BCKDHB: variants seen among roughly 807,000 people sequenced by gnomAD.
BCKDHB encodes the protein branched chain keto acid dehydrogenase E1 subunit beta, also known as 2-oxoisovalerate dehydrogenase subunit beta, mitochondrial.
A neutral mutation model predicts 48.5 loss-of-function variants in BCKDHB; 41 were observed. That is an observed-to-expected ratio of 0.85 (90% CI 0.66 to 1.10). BCKDHB has a LOEUF of 1.10. BCKDHB is among the 50% of genes least tolerant of loss of function. BCKDHB has a pLI of 0.00. For synonymous variants in BCKDHB, 201 were observed against 174.8 expected (o/e 1.15, Z -1.18); for missense variants, 496 against 494.2 (o/e 1.00, Z -0.03).
chr6:80,197,772 G>A (rs981580966), intron 6 of BCKDHB, among the ~76,000 whole-genome samples: 3 of 152,198 alleles, frequency 2.0e-5, no homozygotes. Context: ...AAGAGCCTGT[G>A]TGCTATCTTT....
rs1271176329 is a variant in BCKDHB, at chr6:80,189,393, G to C, written c.743-11541G>C. On this transcript the variant is annotated intron_variant, in intron 6 of 9. Transcript: ENST00000320393. ...GTGATAAGAGTGTTTTCACTTTTCT[G>C]TTTTTTACTTATAAAGTATTAAGGG... Among the ~76,000 whole-genome samples, 3 of 152,002 alleles carry C rather than the reference G, an allele frequency of 2.0e-5. No homozygotes were observed. The East Asian group carries it at 5.8e-4, about 29-fold the overall frequency.
chr6:80,463,686 G>A, the BCKDHB span, among the ~76,000 whole-genome samples: 1 of 151,972 alleles, frequency 6.6e-6, no homozygotes, highest in Admixed American at 6.6e-5. Context: ...AAGTGGTTTG[G>A]CTATGTTCAA....
intron 1 of BCKDHB, among the ~76,000 whole-genome samples, chr6:80,121,898 AGTG>A: frequency 6.6e-6 from 1 of 152,222 alleles, no homozygotes; most frequent in Non-Finnish European, 1.5e-5. Context: ...GTTGAATAGG[AGTG>A]GTGAGAGAGG....
In BCKDHB at chr6:80,203,031, T is replaced by C. The variant is rs566755421; in HGVS notation, c.841-71T>C. Reference sequence around the variant, plus strand: ...TTAAATACTGTCTCTAATAGTGACATCAGCATTCAACTAGTTTTTGAGGCT... The same window carrying C: ...TTAAATACTGTCTCTAATAGTGACACCAGCATTCAACTAGTTTTTGAGGCT... On this transcript the variant is annotated intron_variant, in intron 7 of 9. Coordinates refer to ENST00000320393, the MANE Select transcript of BCKDHB (RefSeq NM_183050.4). 170 of 978,390 alleles carry C rather than the reference T, an allele frequency of 1.7e-4. No individual in the cohort carries two copies. The African/African-American group carries it at 2.4e-3, about 14-fold the overall frequency. 60.6% of individuals were successfully genotyped at this position (978,390 alleles called of 1,614,324 possible).
At chr6:80,236,813 A>G in intron 8 of BCKDHB, among the ~76,000 whole-genome samples, 1 of 152,344 alleles carries the variant, frequency 6.6e-6, no homozygotes, top group East Asian at 1.9e-4. Context: ...AAGAGACTTT[A>G]TCTTATATTT....
chr6:80,404,490 A>G, the BCKDHB span, among the ~76,000 whole-genome samples: 1 of 150,750 alleles, frequency 6.6e-6, no homozygotes, highest in Non-Finnish European at 1.5e-5. Flanking sequence ...GAATTTGTCT[A>G]TTTTGCTCAC....
chr6:80,269,675 G>A (rs1777654844), intron 8 of BCKDHB, among the ~76,000 whole-genome samples: 1 of 151,992 alleles, frequency 6.6e-6, no homozygotes, highest in East Asian at 1.9e-4. Flanking sequence ...ATCCTGAAAA[G>A]TTGTTTAAAC....
the BCKDHB span, chr6:80,440,979 A>G: frequency 1.3e-5 from 2 of 152,218 alleles, no homozygotes; most frequent in South Asian, 2.1e-4. Flanking sequence ...GTGAAAGCCA[A>G]CTCATTAACC....
intron 9 of BCKDHB, among the ~76,000 whole-genome samples, chr6:80,323,840 T>C (rs1005826461): frequency 6.6e-6 from 1 of 152,206 alleles, no homozygotes; most frequent in Non-Finnish European, 1.5e-5. Flanking sequence ...TGGCGCCATC[T>C]TGGCTCACTG....
At chr6:80,115,532 A>G (rs1027134899) in intron 1 of BCKDHB, among the ~76,000 whole-genome samples, 1 of 152,168 alleles carries the variant, frequency 6.6e-6, no homozygotes, top group Non-Finnish European at 1.5e-5. Context: ...CTGTTATTTC[A>G]TGATGTGAAT....
the BCKDHB span, among the ~76,000 whole-genome samples, chr6:80,372,635 T>G: frequency 6.6e-6 from 1 of 152,132 alleles, no homozygotes; most frequent in Non-Finnish European, 1.5e-5. Context: ...CTATGCCGAT[T>G]TTGCTGAGGG....
At chr6:80,299,236 C>T (rs1767424522) in intron 9 of BCKDHB, among the ~76,000 whole-genome samples, 1 of 152,076 alleles carries the variant, frequency 6.6e-6, no homozygotes, top group Admixed American at 6.5e-5. Context: ...TAACCCAATC[C>T]CATTCTTTAC....
chr6:80,169,019 C>G lies in BCKDHB; in HGVS notation c.622C>G (p.Pro208Ala), dbSNP rs776096172. 6.2e-7 allele frequency: 1 copy of G among 1,613,966 alleles called. No individual in the cohort carries two copies. The highest frequency in any genetic ancestry group is 8.5e-7 in the Non-Finnish European group (1 of 1,179,906). The change falls in exon 5 of 10, where the codon CCA (proline) becomes GCA (alanine). Residue 208 changes from proline (P) to alanine (A), a missense_variant. By Grantham distance (27) the Pro-to-Ala change is conservative (BLOSUM62 -1). Coordinates refer to ENST00000320393, the MANE Select transcript of BCKDHB (RefSeq NM_183050.4). ...TCCTGAAGCATTTTTTGCCCATTGC[C>G]CAGGAATCAAGGTATGTTCATTTAT... Reference protein sequence around the residue: ...QSPEAFFAHCPGIKVVIPRSP... With the variant: ...QSPEAFFAHCAGIKVVIPRSP...
chr6:80,381,072 G>C, the BCKDHB span, among the ~76,000 whole-genome samples: 1 of 151,904 alleles, frequency 6.6e-6, no homozygotes, highest in African/African-American at 2.4e-5. Flanking sequence ...ATATAATTCA[G>C]ACATATAAAA....
chr6:80,266,625 C>T (rs748176057), intron 8 of BCKDHB, among the ~76,000 whole-genome samples: 16 of 152,082 alleles, frequency 1.1e-4, no homozygotes, highest in South Asian at 2.1e-4. Context: ...ACTGCGAACT[C>T]GTTATTCTAA....
chr6:80,371,607 T>C, the BCKDHB span, among the ~76,000 whole-genome samples: 3 of 152,166 alleles, frequency 2.0e-5, no homozygotes, highest in African/African-American at 7.2e-5. Flanking sequence ...AGAATTTTTA[T>C]GGTTTCAGGT....
At chr6:80,290,978 TCATTGC>T (rs1327161206) in intron 9 of BCKDHB, among the ~76,000 whole-genome samples, 2 of 152,230 alleles carry the variant, frequency 1.3e-5, no homozygotes, top group African/African-American at 4.8e-5. Flanking sequence ...GAGGTCACTC[TCATTGC>T]CATCTTGGTT....
At position 80,295,872 on chromosome 6, in the gene BCKDHB, A is replaced by C. The variant is rs535590280; in HGVS notation, c.1038+22651A>C. ...CCTCCCACCGGATCCCTCCTATGACACGTGGGAATTATGGAACCTACAGTT... is the reference window on the plus strand; with the variant it reads ...CCTCCCACCGGATCCCTCCTATGACCCGTGGGAATTATGGAACCTACAGTT... On this transcript the variant is annotated intron_variant, in intron 9 of 9. Coordinates refer to ENST00000320393, the MANE Select transcript of BCKDHB (RefSeq NM_183050.4). Among the ~76,000 whole-genome samples the C allele has an allele frequency of 3.3e-5, 5 of 152,290 alleles. No homozygotes were observed. In the South Asian group the frequency reaches 1.0e-3, roughly 32 times the overall value.
At chr6:80,218,400 C>A (rs1365571594) in intron 8 of BCKDHB, among the ~76,000 whole-genome samples, 1 of 152,058 alleles carries the variant, frequency 6.6e-6, no homozygotes, top group Non-Finnish European at 1.5e-5. Context: ...AGAAGCCTAC[C>A]ACACGCACAT....
Sources: allele counts gnomAD v4.1 joint callset (sites outside exome capture counted in the v4.1 genomes callset), GRCh38; gene constraint gnomAD v4.1.1; transcripts MANE v1.5; gene names NCBI Gene and HGNC (gene_info 2026-07-23, HGNC 2026-07-21).